The following UTRN variants were observed in gnomAD, a reference collection of about 807,000 sequenced individuals.
UTRN encodes dystrophin-related protein 1.
Under a neutral mutation model 463.9 loss-of-function variants are expected in UTRN, and 283 were observed. The observed-to-expected ratio is 0.61, with a 90% confidence interval of 0.55 to 0.67. The LOEUF (loss-of-function observed/expected upper bound fraction) is 0.67. Among genes scored for constraint, UTRN ranks in the 30% least tolerant of loss-of-function variants. UTRN has a pLI of 0.00. For synonymous variants in UTRN, 1,442 were observed against 1,431.5 expected (o/e 1.01, Z -0.17); for missense variants, 3,922 against 4,084.3 (o/e 0.96, Z 1.08).
At chr6:144,307,835 T>A (rs1425929620) in intron 2 of UTRN, among the ~76,000 whole-genome samples, 1 of 152,050 alleles carries the variant, frequency 6.6e-6, no homozygotes, top group East Asian at 1.9e-4. Flanking sequence ...TTTTTTTAAT[T>A]AATGAAACTT....
At chr6:144,827,185 C>G (rs1195642123) in intron 66 of UTRN, among the ~76,000 whole-genome samples, 163 bp from the exon 67 acceptor site, 2 of 152,186 alleles carry the variant, frequency 1.3e-5, no homozygotes, top group Non-Finnish European at 2.9e-5. Context: ...CTAGAATACA[C>G]TGTGACTTCT....
intron 51 of UTRN, among the ~76,000 whole-genome samples, chr6:144,607,361 T>G (rs1337674882): frequency 1.3e-5 from 2 of 152,218 alleles, no homozygotes; most frequent in Non-Finnish European, 2.9e-5. Context: ...ATTATATTTT[T>G]AAGGCTATGG....
At chr6:144,689,690 A>AG (rs34515082) in intron 52 of UTRN, among the ~76,000 whole-genome samples, 1 of 152,026 alleles carries the variant, frequency 6.6e-6, no homozygotes, top group Non-Finnish European at 1.5e-5. Flanking sequence ...ACCAGCTCTG[A>AG]GGGGGGTTGC....
intron 42 of UTRN, among the ~76,000 whole-genome samples, chr6:144,532,419 A>G (rs747555375): frequency 3.0e-4 from 46 of 152,302 alleles, no homozygotes; most frequent in Middle Eastern, 3.4e-3. Flanking sequence ...CCTTCTTCAT[A>G]TGGCGGCAGG....
At chr6:144,425,367 A>G (rs1271354481) in intron 6 of UTRN, among the ~76,000 whole-genome samples, 1 of 152,142 alleles carries the variant, frequency 6.6e-6, no homozygotes, top group Non-Finnish European at 1.5e-5. Context: ...GGTGGTATTT[A>G]CCAAGTTTCT....
At chr6:144,363,811 G>T (rs1302888164) in intron 2 of UTRN, among the ~76,000 whole-genome samples, 2 of 152,152 alleles carry the variant, frequency 1.3e-5, no homozygotes, top group African/African-American at 4.8e-5. Flanking sequence ...GTTGGGGCTG[G>T]AGGAAAATGT....
At chr6:144,776,427 T>A (rs6901197) in intron 60 of UTRN, among the ~76,000 whole-genome samples, 1 of 152,160 alleles carries the variant, frequency 6.6e-6, no homozygotes, top group South Asian at 2.1e-4. Flanking sequence ...TGTGCAAATC[T>A]CCACCCAGCA....
intron 65 of UTRN, among the ~76,000 whole-genome samples, chr6:144,812,546 A>G (rs1489935816): frequency 6.6e-6 from 1 of 152,222 alleles, no homozygotes; most frequent in Non-Finnish European, 1.5e-5. Context: ...ATAGAAGGAT[A>G]CACATGCATT....
chr6:144,627,035 C>G (rs1776015759), intron 51 of UTRN, among the ~76,000 whole-genome samples: 1 of 152,134 alleles, frequency 6.6e-6, no homozygotes. Flanking sequence ...AAACAAAACA[C>G]TGACCTAGTT....
chr6:144,414,566 A>G (rs1055126395), intron 3 of UTRN, among the ~76,000 whole-genome samples: 1 of 152,176 alleles, frequency 6.6e-6, no homozygotes, highest in Non-Finnish European at 1.5e-5. Context: ...AAATAAATTT[A>G]GTGTAGCCTA....
intron 9 of UTRN, among the ~76,000 whole-genome samples, chr6:144,434,047 G>T (rs1452808749): frequency 1.3e-5 from 2 of 152,240 alleles, no homozygotes. Context: ...CTCCAGCCTG[G>T]GCACCATTGA....
intron 2 of UTRN, among the ~76,000 whole-genome samples, chr6:144,381,911 G>C (rs987648498): frequency 6.6e-6 from 1 of 152,188 alleles, no homozygotes; most frequent in African/African-American, 2.4e-5. Context: ...TCTGTCTTTA[G>C]GTCTTTGAGG....
At chr6:144,627,523 A>G (rs1776071513) in intron 51 of UTRN, among the ~76,000 whole-genome samples, 1 of 152,014 alleles carries the variant, frequency 6.6e-6, no homozygotes, top group Admixed American at 6.5e-5. Context: ...AGAAACATTT[A>G]CAGTGGTGCA....
rs1204852738 is a variant in UTRN at position 144,732,219 on chromosome 6, TATATATATATATATATATAC to T, written c.7939+1755_7939+1774del. ...TTCCTTTTGAGTACTCTGTTTTATA[TATATATATATATATATATAC>T]ATATATATATATATATATACACACA... is the stretch of plus-strand genomic sequence containing the variant. On this transcript the variant is annotated intron_variant, in intron 54 of 74. Transcript: ENST00000367545. Among the ~76,000 whole-genome samples, 134 of 41,058 alleles carry T rather than the reference TATATATATATATATATATAC, an allele frequency of 3.3e-3. 1 individual carries two copies. Among genetic ancestry groups the T allele is most frequent in the African/African-American group, 0.014 (119 of 8,740 alleles). The allele number at this position is 41,058 out of a possible 152,430, so 26.9% of individuals were successfully genotyped here. A position where few individuals can be genotyped will look rare whatever the true frequency, so the allele number is the denominator to read the frequency against.
At chr6:144,698,445 A>G (rs958105274) in intron 52 of UTRN, among the ~76,000 whole-genome samples, 1 of 152,228 alleles carries the variant, frequency 6.6e-6, no homozygotes, top group South Asian at 2.1e-4. Flanking sequence ...TATTTCACAC[A>G]GCGTTTTTTA....
At chr6:144,694,720 G>T (rs1193519788) in intron 52 of UTRN, among the ~76,000 whole-genome samples, 1 of 151,992 alleles carries the variant, frequency 6.6e-6, no homozygotes, top group East Asian at 1.9e-4. Flanking sequence ...TTTTTGTGGG[G>T]TCAGTGGTGA....
intron 68 of UTRN, among the ~76,000 whole-genome samples, chr6:144,828,060 G>A (rs941892724): frequency 6.6e-6 from 1 of 152,102 alleles, no homozygotes; most frequent in African/African-American, 2.4e-5. Flanking sequence ...TAGGATAGGG[G>A]TTTATTTTAG....
At chr6:144,741,532 A>G (rs1418268222) in intron 54 of UTRN, among the ~76,000 whole-genome samples, 2 of 152,168 alleles carry the variant, frequency 1.3e-5, no homozygotes, top group Non-Finnish European at 2.9e-5. Flanking sequence ...TAGGCAAAAC[A>G]GATGTTTTTT....
chr6:144,336,665 C>G (rs938299329), intron 2 of UTRN, among the ~76,000 whole-genome samples: 6 of 152,096 alleles, frequency 3.9e-5, no homozygotes, highest in Non-Finnish European at 5.9e-5. Flanking sequence ...AGGTTGCCAC[C>G]TGATTTATAA....
Sources: gnomAD v4.1 joint callset for allele counts (sites outside exome capture counted in the v4.1 genomes callset) on GRCh38, gnomAD v4.1.1 for gene constraint, MANE v1.5 for transcripts, NCBI Gene and HGNC (gene_info 2026-07-23, HGNC 2026-07-21) for gene names.